The following TBC1D22A variants were observed in gnomAD, a reference collection of about 807,000 sequenced individuals.
TBC1D22A encodes putative GTPase activator.
In TBC1D22A, 38 loss-of-function variants were observed where a neutral mutation model predicts 60.2. The observed-to-expected ratio is 0.63, with a 90% CI of 0.49 to 0.83. TBC1D22A has a LOEUF of 0.83. TBC1D22A is among the 40% of genes least tolerant of loss of function. The pLI is 0.00. For synonymous variants in TBC1D22A, 302 were observed against 281.7 expected, an observed-to-expected ratio of 1.07 and a Z score of -0.72; for missense variants, 628 against 701.0, an observed-to-expected ratio of 0.90 and a Z score of 1.18.
At chr22:47,085,056 G>C (rs954802982) in intron 11 of TBC1D22A, among the ~76,000 whole-genome samples, 131 of 152,340 alleles carry the variant, frequency 8.6e-4, no homozygotes, top group Admixed American at 8.4e-3. Context: ...AAGGCAGGCG[G>C]ATCGCCTGAA....
At chr22:46,918,664 G>C (rs551283084) in intron 8 of TBC1D22A, among the ~76,000 whole-genome samples, 3 of 152,222 alleles carry the variant, frequency 2.0e-5, no homozygotes, top group Admixed American at 2.0e-4. Flanking sequence ...GCATTTGATA[G>C]TGGGGATCTT....
At chr22:46,933,251 T>C (rs1206255591) in intron 8 of TBC1D22A, among the ~76,000 whole-genome samples, 1 of 152,184 alleles carries the variant, frequency 6.6e-6, no homozygotes, top group Non-Finnish European at 1.5e-5. Context: ...AAGTTAATCA[T>C]GATCACAACC....
intron 12 of TBC1D22A, among the ~76,000 whole-genome samples, chr22:47,156,947 G>A (rs1269437288): frequency 6.6e-6 from 1 of 152,196 alleles, no homozygotes. Context: ...GGCTTCCAAG[G>A]CACCGGGCTG....
intron 1 of TBC1D22A, among the ~76,000 whole-genome samples, chr22:46,775,320 CAA>C (rs1267498274): frequency 1.3e-5 from 2 of 152,334 alleles, no homozygotes; most frequent in Non-Finnish European, 2.9e-5. Context: ...GGTCGGGAGT[CAA>C]GAGGAGATCT....
chr22:47,164,735 G>C (rs9626953), intron 12 of TBC1D22A, among the ~76,000 whole-genome samples: 90,465 of 152,108 alleles, frequency 0.59, 27,144 homozygotes, highest in East Asian at 0.71. Context: ...CACTGGGGTC[G>C]CTCCGCTGGC....
intron 1 of TBC1D22A, among the ~76,000 whole-genome samples, chr22:46,784,764 A>G (rs1286800360): frequency 6.6e-6 from 1 of 152,278 alleles, no homozygotes; most frequent in African/African-American, 2.4e-5. Flanking sequence ...ACGTTCATAT[A>G]CAGAGAGATT....
At chr22:47,172,182 C>G (rs986579017) in intron 12 of TBC1D22A, among the ~76,000 whole-genome samples, 1 of 152,070 alleles carries the variant, frequency 6.6e-6, no homozygotes, top group African/African-American at 2.4e-5. Context: ...GCCCAGTGAG[C>G]CTTGTGTGTC....
intron 11 of TBC1D22A, among the ~76,000 whole-genome samples, chr22:47,066,028 C>T (rs1392998011): frequency 1.3e-5 from 2 of 152,174 alleles, no homozygotes; most frequent in African/African-American, 2.4e-5. Flanking sequence ...GAGATAAAGA[C>T]TTGTATTAAA....
At chr22:46,878,089 T>A (rs1315390553) in intron 4 of TBC1D22A, among the ~76,000 whole-genome samples, 1 of 152,118 alleles carries the variant, frequency 6.6e-6, no homozygotes, top group Non-Finnish European at 1.5e-5. Flanking sequence ...CTTTGTTGTC[T>A]GTGTAGAATA....
chr22:46,931,503 T>G (rs2071353206), intron 8 of TBC1D22A, among the ~76,000 whole-genome samples: 1 of 152,150 alleles, frequency 6.6e-6, no homozygotes, highest in African/African-American at 2.4e-5. Context: ...GCCACATAAT[T>G]TAATATCCAG....
intron 12 of TBC1D22A, among the ~76,000 whole-genome samples, chr22:47,122,736 C>T (rs1228778969): frequency 1.3e-5 from 2 of 152,218 alleles, no homozygotes; most frequent in African/African-American, 4.8e-5. Flanking sequence ...CTGCAGAGAC[C>T]CAGGCAGGCT....
intron 4 of TBC1D22A, among the ~76,000 whole-genome samples, chr22:46,810,353 A>G (rs1209740433): frequency 1.3e-5 from 2 of 152,230 alleles, no homozygotes; most frequent in Non-Finnish European, 2.9e-5. Context: ...AGATTTATAT[A>G]GACGTGTGTT....
intron 8 of TBC1D22A, among the ~76,000 whole-genome samples, chr22:46,920,458 A>G (rs905535205): frequency 7.2e-5 from 11 of 152,222 alleles, no homozygotes; most frequent in African/African-American, 1.4e-4. Flanking sequence ...TAGAAGGGAT[A>G]TATGGAAAGG....
chr22:46,848,158 C>G (rs540040638), intron 4 of TBC1D22A, among the ~76,000 whole-genome samples: 5 of 152,202 alleles, frequency 3.3e-5, no homozygotes, highest in Non-Finnish European at 7.3e-5. Context: ...GGCTTTAAAG[C>G]TTTTAATTTT....
Position 47,075,473 on chromosome 22 carries a change from A to G in TBC1D22A, c.1330-36035A>G, listed in dbSNP as rs950207166. The stretch of plus-strand genomic sequence containing the variant: ...TGAAGTGGTAGGATTGCTTGAGGCC[A>G]GGAGTTCAAGACCGTCCTGGGCATA... On this transcript the variant is annotated intron_variant, in intron 11 of 12. Transcript: ENST00000337137. Among the ~76,000 whole-genome samples the G allele has an allele frequency of 2.0e-5, 3 of 152,166 alleles. No homozygotes were observed. In the East Asian group the frequency reaches 5.8e-4, roughly 29 times the overall value.
intron 4 of TBC1D22A, among the ~76,000 whole-genome samples, chr22:46,813,635 G>A (rs957444740): frequency 1.9e-4 from 29 of 152,344 alleles, no homozygotes; most frequent in Admixed American, 1.4e-3. Context: ...CAGATAATAC[G>A]GTAGAACTAG....
intron 4 of TBC1D22A, among the ~76,000 whole-genome samples, chr22:46,853,975 A>G (rs1200452222): frequency 6.6e-6 from 1 of 152,142 alleles, no homozygotes; most frequent in Non-Finnish European, 1.5e-5. Context: ...ATTTTTTCCC[A>G]GGGTTCTGTG....
intron 12 of TBC1D22A, among the ~76,000 whole-genome samples, chr22:47,168,504 C>T (rs926172938): frequency 5.3e-5 from 8 of 152,222 alleles, no homozygotes; most frequent in African/African-American, 1.7e-4. Context: ...GCAGCAGGGA[C>T]GCATCTGCAG....
intron 9 of TBC1D22A, among the ~76,000 whole-genome samples, chr22:46,994,505 T>C (rs559101841): frequency 6.6e-6 from 1 of 152,306 alleles, no homozygotes; most frequent in Admixed American, 6.5e-5. Flanking sequence ...CTGTCTGTTA[T>C]TCACATAACC....
Sources: allele counts gnomAD v4.1 joint callset (sites outside exome capture counted in the v4.1 genomes callset), GRCh38; gene constraint gnomAD v4.1.1; transcripts MANE v1.5; gene names NCBI Gene and HGNC (gene_info 2026-07-23, HGNC 2026-07-21).